NRIP1: variants seen among roughly 807,000 people sequenced by gnomAD.
NRIP1 encodes nuclear receptor-interacting protein 1.
A neutral mutation model predicts 75.0 loss-of-function variants in NRIP1; 28 were observed. The ratio of observed to expected loss-of-function variants is 0.37; its 90% CI spans 0.28 to 0.51. The LOEUF (loss-of-function observed/expected upper bound fraction) is 0.51, where lower values mean the gene tolerates loss of function less well. Among genes scored for constraint, NRIP1 ranks in the 20% least tolerant of loss-of-function variants. The probability of loss-of-function intolerance (pLI) is 0.92; values close to 1 mark genes in which losing one functional copy is unlikely to be tolerated. For synonymous variants in NRIP1, 526 were observed against 487.6 expected (o/e 1.08, Z -1.04); for missense variants, 1,435 against 1,343.7 (o/e 1.07, Z -1.06).
Position 14,968,089 on chromosome 21 carries a change from G to C in NRIP1, c.104C>G (p.Thr35Ser). 1.2e-6 allele frequency: 2 copies of C among 1,614,064 alleles called. No homozygotes were observed. Among genetic ancestry groups the C allele is most frequent in the Non-Finnish European group, 8.5e-7 (1 of 1,179,986 alleles). The change falls in exon 4 of 4, where the codon ACT (threonine) becomes AGT (serine). Residue 35 changes from threonine to serine, a missense_variant. By Grantham distance (58) the Thr-to-Ser change is moderately conservative. Coordinates refer to ENST00000318948, the MANE Select transcript of NRIP1 (RefSeq NM_003489.4). ...CCCAGCAGACTTTTTGTCAACGGCAGTACCTGATCCCCCTGCTGCCTGATG... is the reference window on the plus strand; with the variant it reads ...CCCAGCAGACTTTTTGTCAACGGCACTACCTGATCCCCCTGCTGCCTGATG... ...LMHQAAGGSG[T>S]AVDKKSAGHN...
chr21:15,024,410 C>CGGGG (rs1037953518), intron 2 of NRIP1, among the ~76,000 whole-genome samples: 7 of 152,022 alleles, frequency 4.6e-5, no homozygotes, highest in African/African-American at 1.4e-4. Flanking sequence ...GGTGTGGTGG[C>CGGGG]AGTCACCTGT....
At chr21:15,037,306 C>T (rs987411565) in intron 2 of NRIP1, among the ~76,000 whole-genome samples, 3 of 152,082 alleles carry the variant, frequency 2.0e-5, no homozygotes, top group Admixed American at 6.5e-5. Flanking sequence ...AAGTAACTTG[C>T]GTAATATAAC....
rs954256063 is a variant in NRIP1 at position 14,968,090 on chromosome 21, T to C, written c.103A>G (p.Thr35Ala). ...CCAGCAGACTTTTTGTCAACGGCAG[T>C]ACCTGATCCCCCTGCTGCCTGATGC... The part of the protein sequence containing the change: ...LMHQAAGGSG[T>A]AVDKKSAGHN... Residue 35 changes from threonine (T) to alanine (A), a missense_variant, in exon 4 of 4, where the codon ACT (threonine) becomes GCT (alanine). Transcript: ENST00000318948. 6.2e-7 allele frequency: 1 copy of C among 1,613,944 alleles called. No individual in the cohort carries two copies.
Position 14,967,907 on chromosome 21 carries a change from C to T in NRIP1, c.286G>A (p.Ala96Thr), listed in dbSNP as rs1340702188. The change falls in exon 4 of 4, where the codon GCA (alanine) becomes ACA (threonine). Residue 96 changes from alanine to threonine, a missense_variant. Transcript: ENST00000318948. ...GAATCAGACAGCCTCTTCCGCTTTG[C>T]TGCATTCCAGTCCTCAGAAGACTGC... is the stretch of plus-strand genomic sequence containing the variant. ...LLQSSEDWNA[A>T]KRKRLSDSIM... 1 of 1,614,138 alleles carries T rather than the reference C, an allele frequency of 6.2e-7. No individual in the cohort carries two copies. Among genetic ancestry groups the T allele is most frequent in the Admixed American group, 1.7e-5 (1 of 60,010 alleles).
At position 14,962,907 on chromosome 21, in the gene NRIP1, T is replaced by G. The variant is rs1399813346; in HGVS notation, c.*1809A>C. The G allele has an allele frequency of 6.6e-6, 1 of 152,476 alleles. No homozygotes were observed. The highest frequency in any genetic ancestry group is 1.5e-5 in the Non-Finnish European group (1 of 67,940). 9.4% of individuals were successfully genotyped at this position (152,476 alleles called of 1,614,324 possible). On this transcript the variant is annotated 3_prime_UTR_variant, in exon 4 of 4. Coordinates refer to ENST00000318948, the MANE Select transcript of NRIP1 (RefSeq NM_003489.4). ...TTTAAATCAATATCCTAACTAGTAG[T>G]GATTATAGAATAATTTTTGATAGGT...
chr21:14,989,583 G>A (rs2087511681), intron 3 of NRIP1, among the ~76,000 whole-genome samples: 1 of 152,146 alleles, frequency 6.6e-6, no homozygotes, highest in East Asian at 1.9e-4. Flanking sequence ...AGGCCATCTG[G>A]CTGAACATGT....
Position 14,985,627 on chromosome 21 carries a change from T to C in NRIP1, c.-334-17101A>G, listed in dbSNP as rs187175602. On this transcript the variant is annotated intron_variant, in intron 3 of 3. Coordinates refer to ENST00000318948, the MANE Select transcript of NRIP1 (RefSeq NM_003489.4). Reference sequence around the variant, plus strand: ...TATTTTTAGAGTATTTTAAAGTTTTTGTAAGATGATCTTTATTTTACCACT... The same window carrying C: ...TATTTTTAGAGTATTTTAAAGTTTTCGTAAGATGATCTTTATTTTACCACT... Among the ~76,000 whole-genome samples, 5 of 152,314 alleles carry C rather than the reference T, an allele frequency of 3.3e-5. No homozygotes were observed. The East Asian group carries it at 9.6e-4, about 29-fold the overall frequency.
chr21:14,993,603 A>C (rs2087631793), intron 3 of NRIP1, among the ~76,000 whole-genome samples: 1 of 152,126 alleles, frequency 6.6e-6, no homozygotes, highest in Non-Finnish European at 1.5e-5. Context: ...CAACACAGCG[A>C]GACCCCATCT....
chr21:15,044,070 C>T (rs905004709), intron 1 of NRIP1, among the ~76,000 whole-genome samples: 3 of 152,072 alleles, frequency 2.0e-5, no homozygotes, highest in Non-Finnish European at 4.4e-5. Context: ...CCACCTGCCT[C>T]GGCCTCCCAA....
At chr21:15,008,784 T>G (rs1007809763) in intron 3 of NRIP1, among the ~76,000 whole-genome samples, 1 of 152,212 alleles carries the variant, frequency 6.6e-6, no homozygotes, top group African/African-American at 2.4e-5. Context: ...GGGGTGGCCA[T>G]GACCCATTCA....
At chr21:14,993,994 T>C (rs1319706175) in intron 3 of NRIP1, among the ~76,000 whole-genome samples, 2 of 152,202 alleles carry the variant, frequency 1.3e-5, no homozygotes. Context: ...AGTTGGATCA[T>C]GTATTTATAT....
chr21:15,039,834 A>G (rs981343371), intron 2 of NRIP1, among the ~76,000 whole-genome samples: 3 of 152,096 alleles, frequency 2.0e-5, no homozygotes, highest in African/African-American at 7.2e-5. Flanking sequence ...TAGTTTAAAG[A>G]TATGTATCTG....
intron 2 of NRIP1, among the ~76,000 whole-genome samples, chr21:15,021,629 T>G (rs988153272): frequency 2.0e-5 from 3 of 152,164 alleles, no homozygotes; most frequent in Non-Finnish European, 4.4e-5. Flanking sequence ...AATCATAAAT[T>G]TATTTAAAAT....
At chr21:14,978,918 A>G (rs981157396) in intron 3 of NRIP1, among the ~76,000 whole-genome samples, 1 of 147,818 alleles carries the variant, frequency 6.8e-6, no homozygotes, top group African/African-American at 2.4e-5. Flanking sequence ...ACATTTCTGG[A>G]TGCTGTACTT....
chr21:14,967,884 A>G lies in NRIP1; in HGVS notation c.309T>C (p.Asp103=). The change falls in exon 4 of 4, where the codon GAT becomes GAC. Residue 103 remains aspartate (D), a synonymous_variant. Transcript: ENST00000318948. ...WNAAKRKRLS[D]SIMNLNVKKE... is the part of the protein sequence containing the mutation. ...TCTTTACGTTTAAATTCATGATAGA[A>G]TCAGACAGCCTCTTCCGCTTTGCTG... is the stretch of plus-strand genomic sequence containing the variant. 6.2e-7 allele frequency: 1 copy of G among 1,614,118 alleles called. No individual in the cohort carries two copies. The highest frequency in any genetic ancestry group is 2.2e-5 in the East Asian group (1 of 44,868).
chr21:15,014,711 T>A (rs1228766960), intron 2 of NRIP1, among the ~76,000 whole-genome samples: 1 of 152,188 alleles, frequency 6.6e-6, no homozygotes, highest in African/African-American at 2.4e-5. Context: ...GAAAAAGGTT[T>A]ATAGTTGCTA....
intron 3 of NRIP1, among the ~76,000 whole-genome samples, chr21:14,979,414 T>C (rs1036993673): frequency 1.4e-4 from 21 of 152,112 alleles, no homozygotes; most frequent in Non-Finnish European, 2.5e-4. Context: ...ATCCCTAAAA[T>C]AGATTTGACA....
chr21:15,061,878 C>T (rs2089430672), intron 1 of NRIP1, among the ~76,000 whole-genome samples: 1 of 152,222 alleles, frequency 6.6e-6, no homozygotes, highest in South Asian at 2.1e-4. Flanking sequence ...TAATCTTCTT[C>T]CCTCTGATCT....
chr21:14,991,418 C>T (rs991321654), intron 3 of NRIP1: 2 of 151,750 alleles, frequency 1.3e-5, no homozygotes, highest in African/African-American at 4.8e-5. Flanking sequence ...GATTCTACTG[C>T]ATTTTCCTGG....
Sources: allele counts gnomAD v4.1 joint callset (sites outside exome capture counted in the v4.1 genomes callset), GRCh38; gene constraint gnomAD v4.1.1; transcripts MANE v1.5; gene names NCBI Gene and HGNC (gene_info 2026-07-23, HGNC 2026-07-21).